The following FBXL20 variants were observed in gnomAD, a reference collection of about 807,000 sequenced individuals.
FBXL20 encodes F-box and leucine rich repeat protein 20.
FBXL20 carries 11 observed loss-of-function variants against 64.0 expected under a neutral mutation model. The ratio of observed to expected loss-of-function variants is 0.17; its 90% CI spans 0.11 to 0.28. The LOEUF (loss-of-function observed/expected upper bound fraction) is 0.28. Among genes scored for constraint, FBXL20 ranks in the 10% least tolerant of loss-of-function variants. The probability of loss-of-function intolerance (pLI) is 1.00; values close to 1 mark genes in which losing one functional copy is unlikely to be tolerated. For synonymous variants in FBXL20, 184 were observed against 189.0 expected (o/e 0.97, Z 0.22); for missense variants, 303 against 526.2 (o/e 0.58, Z 4.15).
At chr17:39,311,492 A>G (rs2047235136) in intron 2 of FBXL20, among the ~76,000 whole-genome samples, 1 of 152,000 alleles carries the variant, frequency 6.6e-6, no homozygotes, top group South Asian at 2.1e-4. Context: ...GAAAGGTTGT[A>G]TGTCTTTCTT....
chr17:39,318,509 G>C (rs2047318557), intron 2 of FBXL20, among the ~76,000 whole-genome samples: 1 of 152,164 alleles, frequency 6.6e-6, no homozygotes, highest in African/African-American at 2.4e-5. Context: ...GGGAGGCCAA[G>C]GCAGGCAGAT....
intron 6 of FBXL20, among the ~76,000 whole-genome samples, chr17:39,291,624 G>A (rs1282833186): frequency 5.3e-5 from 8 of 151,596 alleles, no homozygotes; most frequent in East Asian, 3.9e-4. Flanking sequence ...TAGTAGAGAC[G>A]GGGTTTTGTC....
chr17:39,282,302 T>C (rs896207054), intron 8 of FBXL20, among the ~76,000 whole-genome samples: 5 of 152,306 alleles, frequency 3.3e-5, no homozygotes, highest in African/African-American at 1.2e-4. Flanking sequence ...ATCAATACTA[T>C]AAAATGCAGG....
intron 4 of FBXL20, among the ~76,000 whole-genome samples, chr17:39,299,953 C>T (rs996255638): frequency 6.6e-6 from 1 of 151,872 alleles, no homozygotes; most frequent in African/African-American, 2.4e-5. Context: ...AAAAATTAGC[C>T]GGGCATGGTG....
chr17:39,306,012 C>A (rs1354529076), intron 2 of FBXL20, among the ~76,000 whole-genome samples: 1 of 151,222 alleles, frequency 6.6e-6, no homozygotes, highest in Non-Finnish European at 1.5e-5. Context: ...CAAAAAAAAA[C>A]AAAGTAGCCA....
chr17:39,294,043 G>A (rs1184703268), intron 6 of FBXL20, among the ~76,000 whole-genome samples: 2 of 151,876 alleles, frequency 1.3e-5, no homozygotes, highest in Admixed American at 6.6e-5. Context: ...TGTGCCACAA[G>A]TACAACATCC....
At chr17:39,352,693 AAAAAG>A (rs1174341448) in intron 1 of FBXL20, among the ~76,000 whole-genome samples, 1 of 151,654 alleles carries the variant, frequency 6.6e-6, no homozygotes, top group Non-Finnish European at 1.5e-5. Flanking sequence ...AAAAAAAAAA[AAAAAG>A]AAAAGAAGAA....
intron 1 of FBXL20, among the ~76,000 whole-genome samples, chr17:39,383,237 C>A (rs950356182): frequency 3.3e-5 from 5 of 151,274 alleles, no homozygotes; most frequent in Non-Finnish European, 5.9e-5. Flanking sequence ...GAAATATATC[C>A]AACAGACCTC....
chr17:39,298,819 C>A (rs2047109250), intron 5 of FBXL20, among the ~76,000 whole-genome samples, 171 bp downstream of exon 5: 1 of 151,976 alleles, frequency 6.6e-6, no homozygotes, highest in South Asian at 2.1e-4. Context: ...AGTACTTGTT[C>A]TTGTTTACTG....
intron 1 of FBXL20, among the ~76,000 whole-genome samples, chr17:39,384,695 G>A (rs951583951): frequency 2.6e-5 from 4 of 151,976 alleles, no homozygotes; most frequent in Admixed American, 6.6e-5. Flanking sequence ...GGTGGCTCAC[G>A]CCTATAATCC....
Position 39,301,009 on chromosome 17 carries a change from C to A in FBXL20, c.226G>T (p.Asp76Tyr), listed in dbSNP as rs140344237. 3 of 1,613,816 alleles carry A rather than the reference C, an allele frequency of 1.9e-6. No individual in the cohort carries two copies. The African/African-American group carries it at 4.0e-5, about 22-fold the overall frequency. The change falls in exon 4 of 15, where the codon GAT becomes TAT. Residue 76 changes from aspartate (D) to tyrosine (Y), a missense_variant. Asp to Tyr is a radical substitution (Grantham distance 160, BLOSUM62 -3). Around this residue, in one of 3 missense-constraint regions of FBXL20, gnomAD observed 246 missense variants for 422.6 expected, o/e 0.58. Transcript: ENST00000264658. ...ACACCACATAATTATACCTCAATAT[C>A]CCTCTGGAAATCAAATAGGTCAATT... ...QRIDLFDFQR[D>Y]IEGRVVENIS...
chr17:39,385,792 G>A (rs2048072587), intron 1 of FBXL20, among the ~76,000 whole-genome samples: 1 of 152,138 alleles, frequency 6.6e-6, no homozygotes, highest in South Asian at 2.1e-4. Flanking sequence ...AGCACTTTGG[G>A]AGGCCGAGGT....
At chr17:39,351,095 G>C (rs1424420981) in intron 1 of FBXL20, among the ~76,000 whole-genome samples, 1 of 152,108 alleles carries the variant, frequency 6.6e-6, no homozygotes, top group Non-Finnish European at 1.5e-5. Flanking sequence ...AGCACTTTGG[G>C]AGGCTGAGGT....
rs1374541578 is a variant in FBXL20, at chr17:39,281,373, G to A, written c.696+16C>T. ...TGAATTACTAAAACAGAAGAGTTGT[G>A]AGAAGGGATGTTTACCAAGCAAGTC... On this transcript the variant is annotated intron_variant, in intron 9 of 14. Coordinates refer to ENST00000264658, the MANE Select transcript of FBXL20 (RefSeq NM_032875.3). 1 of 1,611,948 alleles carries A rather than the reference G, an allele frequency of 6.2e-7. No individual in the cohort carries two copies. Among genetic ancestry groups the A allele is most frequent in the Admixed American group, 1.7e-5 (1 of 59,778 alleles).
At chr17:39,326,202 C>CA (rs1332709446) in intron 2 of FBXL20, among the ~76,000 whole-genome samples, 4,169 of 140,686 alleles carry the variant, frequency 0.03, 156 homozygotes, top group African/African-American at 0.095. Context: ...AATCATACGC[C>CA]AAAAAAAAAA....
chr17:39,324,704 C>A (rs2047393871), intron 2 of FBXL20, among the ~76,000 whole-genome samples: 1 of 152,084 alleles, frequency 6.6e-6, no homozygotes, highest in Non-Finnish European at 1.5e-5. Flanking sequence ...AACAAGTAGA[C>A]ATTTCTCTTT....
At chr17:39,368,884 T>TCA (rs1404637010) in intron 1 of FBXL20, among the ~76,000 whole-genome samples, 2 of 152,140 alleles carry the variant, frequency 1.3e-5, no homozygotes, top group African/African-American at 4.8e-5. Context: ...CTCGATCTCC[T>TCA]CACCTCGTGA....
chr17:39,394,865 T>A (rs1020383517), intron 1 of FBXL20, among the ~76,000 whole-genome samples: 2 of 152,102 alleles, frequency 1.3e-5, no homozygotes, highest in Admixed American at 1.3e-4. Flanking sequence ...GGCCAGATAC[T>A]GTACCCGGCC....
intron 4 of FBXL20, among the ~76,000 whole-genome samples, chr17:39,300,319 G>A (rs754678827): frequency 1.3e-4 from 20 of 152,050 alleles, no homozygotes; most frequent in East Asian, 3.9e-4. Context: ...GCCATCCCAC[G>A]TGCCCTCAAA....
Sources: gnomAD v4.1 joint callset for allele counts (sites outside exome capture counted in the v4.1 genomes callset) on GRCh38, gnomAD v4.1.1 for gene constraint, gnomAD v4.1.1 regional missense constraint, MANE v1.5 for transcripts, NCBI Gene and HGNC (gene_info 2026-07-23, HGNC 2026-07-21) for gene names.